SNED1: variants seen among roughly 807,000 people sequenced by gnomAD.
The protein encoded by SNED1 is sushi, nidogen and EGF-like domain-containing protein 1.
In SNED1, 81 loss-of-function variants were observed where a neutral mutation model predicts 166.7. The observed-to-expected ratio is 0.49, with a 90% confidence interval of 0.41 to 0.58. The LOEUF is 0.58. Ranked by LOEUF, SNED1 falls within the 20% of genes least tolerant of loss-of-function variation. SNED1 has a pLI of 0.00. For synonymous variants in SNED1, 762 were observed against 822.0 expected (o/e 0.93, Z 1.25); for missense variants, 1,604 against 2,000.2 (o/e 0.80, Z 3.78).
Position 241,054,821 on chromosome 2 carries a change from A to T in SNED1, c.2257+1495A>T, listed in dbSNP as rs143786990. On this transcript the variant is annotated intron_variant, in intron 16 of 31. Transcript: ENST00000310397. ...AAGCAGGGAAAGATAAATAAATAAA[A>T]AAGAAAATGTTGGGGCCAGGTGCTG... 4.0e-3 allele frequency among the ~76,000 whole-genome samples: 615 copies of T among 151,924 alleles called. 3 individuals are homozygous for T. The highest frequency in any genetic ancestry group is 7.4e-3 in the African/African-American group (303 of 41,174).
chr2:241,059,546 C>CTAAG (rs2062167600), intron 16 of SNED1, among the ~76,000 whole-genome samples: 1 of 152,176 alleles, frequency 6.6e-6, no homozygotes, highest in South Asian at 2.1e-4. Flanking sequence ...CAAAATATTA[C>CTAAG]TAAGTCAAGC....
chr2:241,004,924 T>A (rs1404955081), intron 1 of SNED1, among the ~76,000 whole-genome samples: 1 of 152,164 alleles, frequency 6.6e-6, no homozygotes, highest in Admixed American at 6.5e-5. Context: ...GGTTTCACCA[T>A]CTTGGCCAGG....
rs890171329 is a variant in SNED1 at position 241,051,713 on chromosome 2, C to G, written c.1736-31C>G. 1.4e-6 allele frequency: 2 copies of G among 1,440,898 alleles called. No individual in the cohort carries two copies. Among genetic ancestry groups the G allele is most frequent in the African/African-American group, 2.9e-5 (2 of 69,792 alleles). The allele number at this position is 1,440,898 out of a possible 1,614,324, so 89.3% of individuals were successfully genotyped here. On this transcript the variant is annotated intron_variant, in intron 12 of 31. Transcript: ENST00000310397. The surrounding 1 kb of genome is among the most constrained non-coding windows in gnomAD (Gnocchi z 4.7). ...CTCTGTGGGGCCAGCAGCCTGGCCC[C>G]GTTCATCTGCCTCTCTGTCCTTCCA...
rs1232188619 is a variant in SNED1, at chr2:241,052,946, C to T, written c.2084-207C>T. On this transcript the variant is annotated intron_variant, in intron 15 of 31. Coordinates refer to ENST00000310397, the MANE Select transcript of SNED1 (RefSeq NM_001080437.3). ...GGGGAGCGTGGGATTTCTTGCTAAT[C>T]CCTGCAGAGCTGGGCAAGGCAGGAA... is the stretch of plus-strand genomic sequence containing the variant. Among the ~76,000 whole-genome samples, 4 of 152,096 alleles carry T rather than the reference C, an allele frequency of 2.6e-5. No homozygotes were observed. The South Asian group carries it at 8.3e-4, about 31-fold the overall frequency.
intron 1 of SNED1, among the ~76,000 whole-genome samples, chr2:241,021,888 T>C (rs2060784267): frequency 6.6e-6 from 1 of 152,232 alleles, no homozygotes. Context: ...TATATTCCAC[T>C]AGCAATGTAT....
At chr2:241,019,414 T>C (rs1242566857) in intron 1 of SNED1, among the ~76,000 whole-genome samples, 1 of 152,168 alleles carries the variant, frequency 6.6e-6, no homozygotes, top group African/African-American at 2.4e-5. Flanking sequence ...CTCAGCGGTA[T>C]AGCCAGGGCA....
At chr2:241,023,448 A>T (rs913605163) in intron 1 of SNED1, among the ~76,000 whole-genome samples, 4 of 151,780 alleles carry the variant, frequency 2.6e-5, no homozygotes, top group African/African-American at 9.7e-5. Flanking sequence ...AGTCATTTGA[A>T]ATTTGTTGGC....
intron 26 of SNED1, 81 bp downstream of exon 26, chr2:241,071,959 A>G (rs1476757769): frequency 2.6e-6 from 3 of 1,151,354 alleles, no homozygotes; most frequent in Non-Finnish European, 3.8e-6. Context: ...TGTCCCCTAC[A>G]TGATGAGCCC....
Position 241,067,801 on chromosome 2 carries a change from G to A in SNED1, c.3048G>A (p.Val1016=), listed in dbSNP as rs754934238. The change falls in exon 22 of 32, where the codon GTG becomes GTA. Residue 1016 remains valine (V), a synonymous_variant. Coordinates refer to ENST00000310397, the MANE Select transcript of SNED1 (RefSeq NM_001080437.3). ...RPVEGFEVTN[V]TASTISVQWA... Reference sequence around the variant, plus strand: ...TGGAAGGCTTCGAGGTCACCAATGTGACGGCTAGCACCATCTCAGTGCAGT... The same window carrying A: ...TGGAAGGCTTCGAGGTCACCAATGTAACGGCTAGCACCATCTCAGTGCAGT... 6.2e-7 allele frequency: 1 copy of A among 1,612,210 alleles called. No individual in the cohort carries two copies. The highest frequency in any genetic ancestry group is 1.1e-5 in the South Asian group (1 of 91,044).
chr2:241,030,156 G>A, intron 1 of SNED1, 128 bp from the exon 2 acceptor site: 1 of 883,270 alleles, frequency 1.1e-6, no homozygotes, highest in Non-Finnish European at 1.7e-6. Context: ...AGGCCACCCT[G>A]GGGATACCCT....
At chr2:241,036,699 C>G in intron 4 of SNED1, 91 bp from the exon 5 acceptor site, 1 of 1,548,108 alleles carries the variant, frequency 6.5e-7, no homozygotes, top group African/African-American at 1.4e-5. Flanking sequence ...CCTTTTGGGT[C>G]AGGGGAGGGA....
intron 1 of SNED1, among the ~76,000 whole-genome samples, chr2:241,021,713 T>A (rs1435605459): frequency 6.6e-6 from 1 of 152,280 alleles, no homozygotes; most frequent in Non-Finnish European, 1.5e-5. Flanking sequence ...TTGGCTATTA[T>A]GAATAAAGCT....
chr2:241,082,039 G>A (rs1489557786), intron 28 of SNED1, among the ~76,000 whole-genome samples: 1 of 152,224 alleles, frequency 6.6e-6, no homozygotes, highest in Non-Finnish European at 1.5e-5. Context: ...CAGCTTCGGA[G>A]GGCTCCCTGA....
chr2:241,072,823 G>T (rs1575068311), intron 26 of SNED1: 2 of 200,000 alleles, frequency 1.0e-5, no homozygotes, highest in South Asian at 2.2e-4. Context: ...CCCTGCATAA[G>T]AAGTGATGCA....
At chr2:241,072,321 C>G (rs2062771734) in intron 26 of SNED1, 1 of 421,812 alleles carries the variant, frequency 2.4e-6, no homozygotes, top group Non-Finnish European at 4.7e-6. Context: ...CCGGTGGCAG[C>G]AAGGCTGATG....
chr2:240,998,635 C>A lies in SNED1; in HGVS notation c.-203C>A, dbSNP rs1330268081. On this transcript the variant is annotated 5_prime_UTR_variant, in exon 1 of 32. Coordinates refer to ENST00000310397, the MANE Select transcript of SNED1 (RefSeq NM_001080437.3). The stretch of plus-strand genomic sequence containing the variant: ...GCGGGGCTGGCCCCGAACGCGGTCC[C>A]GCCCGGCGCTTTCCTCTGCGGAGCT... Among the ~76,000 whole-genome samples the A allele has an allele frequency of 1.3e-5, 2 of 151,562 alleles. No homozygotes were observed. The highest frequency in any genetic ancestry group is 4.8e-5 in the African/African-American group (2 of 41,352).
intron 16 of SNED1, among the ~76,000 whole-genome samples, chr2:241,055,516 A>G (rs1175380477): frequency 6.6e-6 from 1 of 152,210 alleles, no homozygotes; most frequent in Non-Finnish European, 1.5e-5. Flanking sequence ...GTCACAGAAT[A>G]CCACCACTGT....
intron 16 of SNED1, among the ~76,000 whole-genome samples, chr2:241,058,132 G>T (rs886316391): frequency 2.6e-5 from 4 of 152,136 alleles, no homozygotes; most frequent in African/African-American, 9.7e-5. Context: ...ATCAAAGCTG[G>T]CGTATTAGCT....
chr2:241,009,000 G>C (rs558647056), intron 1 of SNED1, among the ~76,000 whole-genome samples: 2 of 152,376 alleles, frequency 1.3e-5, no homozygotes, highest in African/African-American at 4.8e-5. Flanking sequence ...CGGCAAAGTG[G>C]AGCAGGCAAG....
Sources: gnomAD v4.1 joint callset for allele counts (sites outside exome capture counted in the v4.1 genomes callset) on GRCh38, gnomAD v4.1.1 for gene constraint, Gnocchi (gnomAD v3.1) non-coding constraint, MANE v1.5 for transcripts, NCBI Gene and HGNC (gene_info 2026-07-23, HGNC 2026-07-21) for gene names.